SCLT1: variants seen among roughly 807,000 people sequenced by gnomAD.
The protein encoded by SCLT1 is sodium channel and clathrin linker 1, also known as sodium channel-associated protein 1.
A neutral mutation model predicts 112.8 loss-of-function variants in SCLT1; 78 were observed. The ratio of observed to expected loss-of-function variants is 0.69; its 90% CI spans 0.58 to 0.83. The LOEUF (loss-of-function observed/expected upper bound fraction) is 0.83, where lower values mean the gene tolerates loss of function less well. Ranked by LOEUF, SCLT1 falls within the 40% of genes least tolerant of loss-of-function variation. The pLI, the probability that SCLT1 is intolerant of heterozygous loss-of-function variation, is 0.00. For synonymous variants in SCLT1, 257 were observed against 254.7 expected, an observed-to-expected ratio of 1.01 and a Z score of -0.09; for missense variants, 747 against 770.4, an observed-to-expected ratio of 0.97 and a Z score of 0.36.
intron 2 of SCLT1, among the ~76,000 whole-genome samples, chr4:129,050,612 T>G (rs1748688127): frequency 6.6e-6 from 1 of 152,226 alleles, no homozygotes; most frequent in African/African-American, 2.4e-5. Flanking sequence ...TTAAGTTCCT[T>G]GTAGACTGTG....
intron 2 of SCLT1, among the ~76,000 whole-genome samples, chr4:129,055,951 C>T (rs1007668011): frequency 3.9e-5 from 6 of 152,184 alleles, no homozygotes; most frequent in African/African-American, 1.4e-4. Context: ...AGGGAATCTC[C>T]TGATCTGCAG....
At chr4:129,003,635 AAT>A in intron 6 of SCLT1, 104 bp downstream of exon 6, 2 of 915,030 alleles carry the variant, frequency 2.2e-6, no homozygotes, top group Non-Finnish European at 3.2e-6. Context: ...AAAAAATCAT[AAT>A]GTTACAATTT....
chr4:128,909,365 C>G (rs1734923722), intron 18 of SCLT1, among the ~76,000 whole-genome samples: 1 of 152,034 alleles, frequency 6.6e-6, no homozygotes. Context: ...TTCTCCCACC[C>G]CAGCCTCCCA....
rs186952510 is a variant in SCLT1 at position 129,029,508 on chromosome 4, C to A, written c.290+9533G>T. Among the ~76,000 whole-genome samples, 229 of 146,708 alleles carry A rather than the reference C, an allele frequency of 1.6e-3. 2 individuals are homozygous for A. Among genetic ancestry groups the A allele is most frequent in the East Asian group, 0.014 (67 of 4,920 alleles). Reference sequence around the variant, plus strand: ...CACATGGACACAGGAAGGGGACCATCACACACCAGGGCCTGTTGTGGGGTG... The same window carrying A: ...CACATGGACACAGGAAGGGGACCATAACACACCAGGGCCTGTTGTGGGGTG... On this transcript the variant is annotated intron_variant, in intron 5 of 20. Coordinates refer to ENST00000281142, the MANE Select transcript of SCLT1 (RefSeq NM_144643.4).
intron 2 of SCLT1, among the ~76,000 whole-genome samples, chr4:129,061,382 A>G (rs1749956620): frequency 6.6e-6 from 1 of 152,034 alleles, no homozygotes; most frequent in African/African-American, 2.4e-5. Context: ...AGGGTATGAG[A>G]TGTCTGGCCT....
chr4:128,917,618 T>C (rs910075341), intron 18 of SCLT1, among the ~76,000 whole-genome samples: 1 of 152,200 alleles, frequency 6.6e-6, no homozygotes, highest in African/African-American at 2.4e-5. Flanking sequence ...TGTTTGGATC[T>C]AGTAAAGGTA....
At chr4:128,904,416 T>G (rs1734541418) in intron 18 of SCLT1, among the ~76,000 whole-genome samples, 1 of 152,136 alleles carries the variant, frequency 6.6e-6, no homozygotes, top group Non-Finnish European at 1.5e-5. Flanking sequence ...ACTAAGTAAT[T>G]TACATATGAA....
intron 18 of SCLT1, among the ~76,000 whole-genome samples, chr4:128,918,769 A>T (rs1735661233): frequency 6.6e-6 from 1 of 152,188 alleles, no homozygotes; most frequent in African/African-American, 2.4e-5. Context: ...CAAAGCAGGG[A>T]TTGCTATTCT....
intron 20 of SCLT1, among the ~76,000 whole-genome samples, chr4:128,886,250 A>G (rs993611881): frequency 5.3e-5 from 8 of 152,238 alleles, no homozygotes; most frequent in African/African-American, 1.9e-4. Flanking sequence ...GTGTAGAGAA[A>G]GTTAATCAGA....
At chr4:129,008,650 T>A (rs1744240938) in intron 5 of SCLT1, among the ~76,000 whole-genome samples, 1 of 152,198 alleles carries the variant, frequency 6.6e-6, no homozygotes, top group Admixed American at 6.5e-5. Context: ...TCTTTTTAAA[T>A]TTTTTTGAAT....
chr4:128,914,700 G>A (rs1429890473), intron 18 of SCLT1, among the ~76,000 whole-genome samples: 1 of 152,162 alleles, frequency 6.6e-6, no homozygotes, highest in African/African-American at 2.4e-5. Context: ...GATACAGAAA[G>A]AGGAGCAATC....
chr4:129,029,208 G>C (rs1378390703), intron 5 of SCLT1, among the ~76,000 whole-genome samples: 1 of 151,926 alleles, frequency 6.6e-6, no homozygotes, highest in African/African-American at 2.4e-5. Context: ...AATCATGCTG[G>C]TATAAAGACA....
At chr4:128,965,811 T>C (rs965379703) in intron 10 of SCLT1, among the ~76,000 whole-genome samples, 4 of 151,432 alleles carry the variant, frequency 2.6e-5, no homozygotes, top group African/African-American at 9.7e-5. Context: ...TTAACAAATA[T>C]TTTTTATGAT....
At chr4:128,995,275 C>T (rs1452989271) in intron 8 of SCLT1, among the ~76,000 whole-genome samples, 5 of 152,138 alleles carry the variant, frequency 3.3e-5, no homozygotes, top group East Asian at 1.9e-4. Context: ...TTTTTAATTC[C>T]GTTATTGTGT....
chr4:129,025,918 G>A (rs892240617), intron 5 of SCLT1, among the ~76,000 whole-genome samples: 4 of 151,960 alleles, frequency 2.6e-5, no homozygotes, highest in Non-Finnish European at 4.4e-5. Flanking sequence ...TGATAAAACA[G>A]ACTTTAAACC....
rs141410787 is a variant in SCLT1, at chr4:128,935,593, GA to G, written c.1829+1061del. On this transcript the variant is annotated intron_variant, in intron 18 of 20. Coordinates refer to ENST00000281142, the MANE Select transcript of SCLT1 (RefSeq NM_144643.4). Reference sequence around the variant, plus strand: ...ATACACTTTGTGGGGTTGCTGTAAAGATTAAGTACATGTAAGTTGCTTAGAA... The same window carrying G: ...ATACACTTTGTGGGGTTGCTGTAAAGTTAAGTACATGTAAGTTGCTTAGAA... Among the ~76,000 whole-genome samples, 678 of 152,144 alleles carry G rather than the reference GA, an allele frequency of 4.5e-3. 1 individual carries two copies. The highest frequency in any genetic ancestry group is 6.8e-3 in the Middle Eastern group (2 of 294).
intron 18 of SCLT1, among the ~76,000 whole-genome samples, chr4:128,929,496 T>C (rs72683656): frequency 0.11 from 16,414 of 152,184 alleles, 1,156 homozygotes; most frequent in Middle Eastern, 0.21. Flanking sequence ...GAACCAAGAA[T>C]AGGTAAGATA....
At position 128,999,742 on chromosome 4, in the gene SCLT1, C is replaced by T. The variant is rs1006752360; in HGVS notation, c.479G>A (p.Arg160Lys). 1.2e-5 allele frequency: 19 copies of T among 1,605,402 alleles called. No homozygotes were observed. The highest frequency in any genetic ancestry group is 1.6e-5 in the Non-Finnish European group (19 of 1,174,366). ...ATGTTCCTGGTAAAGCTTGTGTAGT[C>T]TGTCCAACTCCTGAGAAACAGTCTG... ...LWQTVSQELD[R>K]LHKLYQEHMT... The change falls in exon 7 of 21, where the codon AGA becomes AAA. Residue 160 changes from arginine to lysine, a missense_variant. Transcript: ENST00000281142.
intron 2 of SCLT1, among the ~76,000 whole-genome samples, chr4:129,076,922 G>A (rs919319176): frequency 6.6e-6 from 1 of 151,958 alleles, no homozygotes. Context: ...TCTTTTAAAA[G>A]TTACATACAA....
Sources: gnomAD v4.1 joint callset for allele counts (sites outside exome capture counted in the v4.1 genomes callset) on GRCh38, gnomAD v4.1.1 for gene constraint, MANE v1.5 for transcripts, NCBI Gene and HGNC (gene_info 2026-07-23, HGNC 2026-07-21) for gene names.